Variants in CCDC181 observed in about 807,000 individuals in gnomAD.
CCDC181 encodes coiled-coil domain-containing protein 181.
CCDC181 carries 35 observed loss-of-function variants against 58.7 expected under a neutral mutation model. That is an observed-to-expected ratio of 0.60 (90% confidence interval 0.46 to 0.79). CCDC181 has a LOEUF of 0.79. CCDC181 is among the 30% of genes least tolerant of loss of function. CCDC181 has a pLI of 0.00. For missense variants in CCDC181, 517 were observed against 583.9 expected (o/e 0.89, Z 1.18); for synonymous variants, 183 against 197.5 (o/e 0.93, Z 0.62).
intron 2 of CCDC181, among the ~76,000 whole-genome samples, chr1:169,438,713 C>A (rs1213081927): frequency 6.6e-6 from 1 of 152,162 alleles, no homozygotes; most frequent in Non-Finnish European, 1.5e-5. Flanking sequence ...ATTGGGATCT[C>A]TGGTCAAGGT....
intron 4 of CCDC181, among the ~76,000 whole-genome samples, chr1:169,414,778 G>A (rs1431173081): frequency 6.6e-6 from 1 of 152,070 alleles, no homozygotes; most frequent in African/African-American, 2.4e-5. Context: ...TATACACAAT[G>A]TCCCACAGAA....
intron 2 of CCDC181, 93 bp downstream of exon 2, chr1:169,424,718 G>T: frequency 1.4e-6 from 1 of 700,214 alleles, no homozygotes; most frequent in South Asian, 2.1e-5. Flanking sequence ...AAGAAATTTT[G>T]TGATGTTTAG....
At chr1:169,404,907 AC>A (rs1655566048) in intron 4 of CCDC181, among the ~76,000 whole-genome samples, 1 of 152,122 alleles carries the variant, frequency 6.6e-6, no homozygotes, top group Admixed American at 6.6e-5. Flanking sequence ...ATATTTAGAA[AC>A]CCCATCGTCT....
intron 2 of CCDC181, among the ~76,000 whole-genome samples, chr1:169,443,760 G>C (rs1320946329): frequency 2.6e-5 from 4 of 152,126 alleles, no homozygotes; most frequent in Admixed American, 2.6e-4. Flanking sequence ...TAGTATTGAT[G>C]ATTAGCGATA....
rs116551618 is a variant in CCDC181 at position 169,411,666 on chromosome 1, A to C, written c.1215+7347T>G. Among the ~76,000 whole-genome samples the C allele has an allele frequency of 0.058, 8,822 of 152,296 alleles. 1,404 individuals are homozygous for C. The East Asian group carries it at 0.66, about 11-fold the overall frequency. Reference sequence around the variant, plus strand: ...ATACCAGCAAACCAAATCCAGCAGCACATGAAAAAGTTCAACATCAAGTCA... The same window carrying C: ...ATACCAGCAAACCAAATCCAGCAGCCCATGAAAAAGTTCAACATCAAGTCA... On this transcript the variant is annotated intron_variant, in intron 4 of 5. Coordinates refer to ENST00000367806, the MANE Select transcript of CCDC181 (RefSeq NM_001300969.2).
chr1:169,395,281 T>C, intron 5 of CCDC181, 75 bp from the exon 6 acceptor site: 3 of 1,271,906 alleles, frequency 2.4e-6, no homozygotes, highest in East Asian at 2.7e-5. Flanking sequence ...GTTACTATTA[T>C]AGACAAAATA....
At chr1:169,448,162 A>G (rs1657432865) in intron 2 of CCDC181, among the ~76,000 whole-genome samples, 1 of 152,048 alleles carries the variant, frequency 6.6e-6, no homozygotes, top group African/African-American at 2.4e-5. Flanking sequence ...ATTGTCATCC[A>G]CTCCACTTAT....
chr1:169,405,929 A>C (rs1655624222), intron 4 of CCDC181, among the ~76,000 whole-genome samples: 1 of 121,950 alleles, frequency 8.2e-6, no homozygotes, highest in African/African-American at 3.0e-5. Flanking sequence ...AATATCCAGA[A>C]TTTACAAAGA....
intron 2 of CCDC181, chr1:169,454,340 T>C (rs930719347): frequency 1.3e-5 from 2 of 152,070 alleles, no homozygotes; most frequent in African/African-American, 4.8e-5. Flanking sequence ...TATGTATAGA[T>C]AATTCAACAC....
At chr1:169,440,478 C>T (rs1222413327) in intron 2 of CCDC181, among the ~76,000 whole-genome samples, 1 of 152,178 alleles carries the variant, frequency 6.6e-6, no homozygotes, top group Non-Finnish European at 1.5e-5. Context: ...AAATCAGCCT[C>T]CCAGAGCTGA....
At chr1:169,408,631 A>G (rs542743962) in intron 4 of CCDC181, among the ~76,000 whole-genome samples, 1 of 152,288 alleles carries the variant, frequency 6.6e-6, no homozygotes, top group East Asian at 1.9e-4. Context: ...GTCGAGAGAC[A>G]CCTCACACAG....
chr1:169,396,948 A>C (rs1344491909), intron 5 of CCDC181, among the ~76,000 whole-genome samples: 1 of 152,122 alleles, frequency 6.6e-6, no homozygotes, highest in Non-Finnish European at 1.5e-5. Context: ...ACAATAAATG[A>C]TAAGGTATCA....
intron 5 of CCDC181, 106 bp from the exon 6 acceptor site, chr1:169,395,312 G>A (rs1467860702): frequency 2.0e-6 from 2 of 993,744 alleles, no homozygotes; most frequent in East Asian, 2.9e-5. Flanking sequence ...TCTTTACAAT[G>A]AAATACTGTC....
chr1:169,415,664 T>C (rs914109475), intron 4 of CCDC181, among the ~76,000 whole-genome samples: 1 of 152,184 alleles, frequency 6.6e-6, no homozygotes, highest in African/African-American at 2.4e-5. Context: ...CCTTTGACAT[T>C]TGTATCATTT....
chr1:169,460,530 AGGG>A (rs1422653938), exon 1 of CCDC181: 1 of 152,344 alleles, frequency 6.6e-6, no homozygotes. Context: ...CACGCGGAGA[AGGG>A]GTAGGTACGG....
intron 2 of CCDC181, among the ~76,000 whole-genome samples, chr1:169,452,017 G>C (rs192951722): frequency 1.3e-5 from 2 of 151,966 alleles, no homozygotes; most frequent in East Asian, 3.9e-4. Flanking sequence ...TAAAGCACTA[G>C]ATATATATAA....
chr1:169,401,525 C>T (rs1655347404), intron 4 of CCDC181, among the ~76,000 whole-genome samples: 1 of 152,188 alleles, frequency 6.6e-6, no homozygotes, highest in African/African-American at 2.4e-5. Context: ...GCTGGTGAGA[C>T]CCAAGCAAAC....
At chr1:169,426,969 CTT>C (rs1656737601) in intron 1 of CCDC181, among the ~76,000 whole-genome samples, 1 of 152,142 alleles carries the variant, frequency 6.6e-6, no homozygotes, top group African/African-American at 2.4e-5. Flanking sequence ...TCGGGAGTGA[CTT>C]TTTCTCCCAG....
rs1322519929 is a variant in CCDC181 at position 169,433,659 on chromosome 1, G to A, written c.-23-8709C>T. On this transcript the variant is annotated intron_variant, in intron 2 of 6. Transcript: ENST00000545005. ...TATGGTCAAATGATTTTTCACAAGG[G>A]TTTTATGAAACTCCGAGGGGAAAGG... Among the ~76,000 whole-genome samples, 4 of 152,096 alleles carry A rather than the reference G, an allele frequency of 2.6e-5. No individual in the cohort carries two copies. The South Asian group carries it at 6.2e-4, about 24-fold the overall frequency.
Sources: allele counts gnomAD v4.1 joint callset (sites outside exome capture counted in the v4.1 genomes callset), GRCh38; gene constraint gnomAD v4.1.1; transcripts MANE v1.5; gene names NCBI Gene and HGNC (gene_info 2026-07-23, HGNC 2026-07-21).